The following OR2L3 variants were observed in gnomAD, a reference collection of about 807,000 sequenced individuals.
The protein encoded by OR2L3 is olfactory receptor family 2 subfamily L member 3.
For missense variants in OR2L3, 369 were observed against 376.6 expected (o/e 0.98, Z 0.17); for synonymous variants, 131 against 139.1 (o/e 0.94, Z 0.41).
intron 1 of OR2L3, among the ~76,000 whole-genome samples, chr1:248,058,698 C>T (rs187385448): frequency 9.9e-5 from 15 of 151,826 alleles, no homozygotes; most frequent in Admixed American, 3.3e-4. Context: ...ATTTGCATGC[C>T]ATTTGAATAT....
At chr1:248,047,865 A>G (rs1663128423) in intron 1 of OR2L3, among the ~76,000 whole-genome samples, 2 of 152,194 alleles carry the variant, frequency 1.3e-5, no homozygotes, top group African/African-American at 4.8e-5. Context: ...CTTCAGTGAT[A>G]CACCCAGTCA....
At chr1:248,052,069 A>G (rs1381432867) in intron 1 of OR2L3, among the ~76,000 whole-genome samples, 2 of 152,174 alleles carry the variant, frequency 1.3e-5, no homozygotes, top group African/African-American at 4.8e-5. Context: ...GTAAAGGTGA[A>G]ACTCCACTGC....
intron 1 of OR2L3, among the ~76,000 whole-genome samples, chr1:248,056,103 G>T (rs1663424249): frequency 6.6e-6 from 1 of 152,016 alleles, no homozygotes; most frequent in Non-Finnish European, 1.5e-5. Context: ...GTTCCTGTGG[G>T]GTTGGTGGTG....
At chr1:248,056,113 G>T (rs1663424395) in intron 1 of OR2L3, among the ~76,000 whole-genome samples, 1 of 151,894 alleles carries the variant, frequency 6.6e-6, no homozygotes, top group African/African-American at 2.4e-5. Flanking sequence ...GGTTGGTGGT[G>T]GTATTTCCCT....
intron 1 of OR2L3, among the ~76,000 whole-genome samples, chr1:248,059,189 T>C (rs1476069584): frequency 6.6e-6 from 1 of 152,170 alleles, no homozygotes; most frequent in Non-Finnish European, 1.5e-5. Context: ...GTTAGTTGTA[T>C]ACGTGGTTAT....
At chr1:248,056,652 G>T (rs181767613) in intron 1 of OR2L3, among the ~76,000 whole-genome samples, 1 of 141,812 alleles carries the variant, frequency 7.1e-6, no homozygotes, top group African/African-American at 2.5e-5. Flanking sequence ...TTTCCCTGTA[G>T]TTGTGTGGTT....
In OR2L3 at chr1:248,060,730, T is replaced by C; in HGVS notation, c.49T>C (p.Phe17Leu). The change falls in exon 2 of 2, where the codon TTC becomes CTC. Residue 17 changes from phenylalanine (F) to leucine (L), a missense_variant. Physicochemically the swap from Phe to Leu is conservative, Grantham distance 22. Coordinates refer to ENST00000359959, the MANE Select transcript of OR2L3 (RefSeq NM_001004687.2). ...TSTDFILLGF[F>L]PPSRIGLFLF... Reference sequence around the variant, plus strand: ...AACTGATTTCATCTTATTAGGATTCTTCCCACCATCAAGAATTGGCCTTTT... The same window carrying C: ...AACTGATTTCATCTTATTAGGATTCCTCCCACCATCAAGAATTGGCCTTTT... 2 of 1,614,134 alleles carry C rather than the reference T, an allele frequency of 1.2e-6. No homozygotes were observed. Among genetic ancestry groups the C allele is most frequent in the African/African-American group, 2.7e-5 (2 of 75,060 alleles).
chr1:248,050,212 C>T (rs906337731), intron 1 of OR2L3, among the ~76,000 whole-genome samples: 2 of 151,760 alleles, frequency 1.3e-5, no homozygotes, highest in African/African-American at 4.8e-5. Flanking sequence ...TCGTTCTTTC[C>T]TCCTGTGTAT....
chr1:248,053,980 T>C (rs182264868), intron 1 of OR2L3, among the ~76,000 whole-genome samples: 60 of 152,298 alleles, frequency 3.9e-4, no homozygotes, highest in African/African-American at 1.4e-3. Flanking sequence ...CATTTGTCAA[T>C]TTTTGCTATT....
chr1:248,057,932 C>A (rs1275932060), intron 1 of OR2L3, among the ~76,000 whole-genome samples: 1 of 152,024 alleles, frequency 6.6e-6, no homozygotes, highest in Admixed American at 6.6e-5. Flanking sequence ...AATTTTAGTT[C>A]TTTCTTTTGA....
intron 1 of OR2L3, among the ~76,000 whole-genome samples, chr1:248,053,485 G>A (rs538473113): frequency 2.2e-4 from 34 of 152,258 alleles, no homozygotes; most frequent in Admixed American, 3.3e-4. Flanking sequence ...CGGGAATGCC[G>A]GATCAAATGG....
At chr1:248,050,566 A>AT (rs1663232322) in intron 1 of OR2L3, among the ~76,000 whole-genome samples, 1 of 152,154 alleles carries the variant, frequency 6.6e-6, no homozygotes, top group African/African-American at 2.4e-5. Context: ...AAAACATGGC[A>AT]TTAACTATCA....
At chr1:248,058,837 T>A (rs969914261) in intron 1 of OR2L3, among the ~76,000 whole-genome samples, 2 of 152,104 alleles carry the variant, frequency 1.3e-5, no homozygotes, top group African/African-American at 4.8e-5. Context: ...CCCTACTTTT[T>A]TTATCTTTCC....
rs184875271 is a variant in OR2L3, at chr1:248,047,149, T to C, written c.-22+269T>C. ...GAGACAGGGATACATTATATTAGAC[T>C]ATGCTTTTATGAGCTCAAGTGAAAT... On this transcript the variant is annotated intron_variant, in intron 1 of 1. Transcript: ENST00000359959. Among the ~76,000 whole-genome samples, 7 of 152,304 alleles carry C rather than the reference T, an allele frequency of 4.6e-5. 1 individual carries two copies. The highest frequency in any genetic ancestry group is 1.7e-4 in the African/African-American group (7 of 41,578).
rs1171347025 is a variant in OR2L3 at position 248,054,142 on chromosome 1, T to TAAGGAAGGA, written c.-21-6517_-21-6509dup. ...CTTGAGTTAATTTTTGTGTAAGGTG[T>TAAGGAAGGA]AAGGAAGGAATCCAGTTTCTATTTT... On this transcript the variant is annotated intron_variant, in intron 1 of 1. Transcript: ENST00000359959. Among the ~76,000 whole-genome samples, 5 of 152,186 alleles carry TAAGGAAGGA rather than the reference T, an allele frequency of 3.3e-5. 1 individual carries two copies. In the South Asian group the frequency reaches 6.2e-4, roughly 19 times the overall value.
intron 1 of OR2L3, among the ~76,000 whole-genome samples, chr1:248,047,118 A>G (rs1276621583): frequency 3.3e-5 from 5 of 152,188 alleles, no homozygotes; most frequent in Non-Finnish European, 5.9e-5. Context: ...ATGATGGTCA[A>G]TTGAAGAGAC....
At chr1:248,051,255 T>C (rs1663256382) in intron 1 of OR2L3, 1 of 152,234 alleles carries the variant, frequency 6.6e-6, no homozygotes, top group African/African-American at 2.4e-5. Context: ...AGTGAATTCT[T>C]ACAATATTTG....
intron 1 of OR2L3, among the ~76,000 whole-genome samples, chr1:248,052,545 G>A (rs1036766167): frequency 9.2e-5 from 14 of 152,060 alleles, no homozygotes; most frequent in Non-Finnish European, 2.1e-4. Context: ...TGGCTAACAT[G>A]GTGAAACCCC....
chr1:248,052,928 AT>A (rs1295643283), intron 1 of OR2L3, among the ~76,000 whole-genome samples: 6 of 151,110 alleles, frequency 4.0e-5, no homozygotes, highest in Admixed American at 3.9e-4. Flanking sequence ...TACACTTTTT[AT>A]TTTTATTTTT....
Sources: allele counts gnomAD v4.1 joint callset (sites outside exome capture counted in the v4.1 genomes callset), GRCh38; gene constraint gnomAD v4.1.1; transcripts MANE v1.5; gene names NCBI Gene and HGNC (gene_info 2026-07-23, HGNC 2026-07-21).